VPS53: variants seen among roughly 807,000 people sequenced by gnomAD.
VPS53 encodes vacuolar protein sorting-associated protein 53 homolog.
In VPS53, 70 loss-of-function variants were observed where a neutral mutation model predicts 107.0. The observed-to-expected ratio is 0.65, with a 90% CI of 0.54 to 0.80. The LOEUF is 0.80. VPS53 is among the 30% of genes least tolerant of loss of function. VPS53 has a pLI of 0.00. For synonymous variants in VPS53, 409 were observed against 393.3 expected, an observed-to-expected ratio of 1.04 and a Z score of -0.47; for missense variants, 917 against 1,049.4, an observed-to-expected ratio of 0.87 and a Z score of 1.74.
intron 5 of VPS53, among the ~76,000 whole-genome samples, chr17:659,305 A>T (rs921223400): frequency 1.1e-4 from 17 of 151,842 alleles, no homozygotes; most frequent in Non-Finnish European, 2.2e-4. Context: ...ATTTTTTGAG[A>T]TAGAGTTTCG....
intron 7 of VPS53, among the ~76,000 whole-genome samples, chr17:646,090 C>T (rs12942156): frequency 7.2e-5 from 8 of 111,124 alleles, no homozygotes; most frequent in African/African-American, 1.6e-4. Flanking sequence ...CTAATTCATA[C>T]CACGGACTGG....
chr17:590,014 G>A (rs1967554771), intron 12 of VPS53, among the ~76,000 whole-genome samples: 1 of 152,120 alleles, frequency 6.6e-6, no homozygotes, highest in Admixed American at 6.6e-5. Context: ...CATGAGAATG[G>A]AATGTTCTCC....
At chr17:549,940 G>A (rs1429077753) in intron 17 of VPS53, among the ~76,000 whole-genome samples, 1 of 152,140 alleles carries the variant, frequency 6.6e-6, no homozygotes, top group Non-Finnish European at 1.5e-5. Context: ...CTACATTTTG[G>A]TTTTAATCTT....
intron 5 of VPS53, among the ~76,000 whole-genome samples, chr17:659,335 C>G (rs425528): frequency 0.99 from 150,938 of 152,344 alleles, 74,792 homozygotes; most frequent in East Asian, 1. Flanking sequence ...CCAGGCTGTA[C>G]TGCAGTAGTG....
chr17:587,107 G>A (rs763644082), intron 12 of VPS53, among the ~76,000 whole-genome samples: 1 of 151,944 alleles, frequency 6.6e-6, no homozygotes, highest in East Asian at 1.9e-4. Flanking sequence ...CTGTCACCCA[G>A]GCTAAAGTGC....
intron 2 of VPS53, among the ~76,000 whole-genome samples, chr17:700,317 C>T (rs1423489140): frequency 1.3e-5 from 2 of 151,458 alleles, no homozygotes; most frequent in African/African-American, 4.9e-5. Context: ...CCAAGGCAGG[C>T]GGATCACCTG....
intron 7 of VPS53, among the ~76,000 whole-genome samples, chr17:641,716 A>G (rs1970430119): frequency 6.6e-6 from 1 of 152,190 alleles, no homozygotes; most frequent in Admixed American, 6.5e-5. Context: ...CAGCCTCCCA[A>G]AGTGCTAGGA....
rs114943483 is a variant in VPS53 at position 699,936 on chromosome 17, G to A, written c.169-556C>T. On this transcript the variant is annotated intron_variant, in intron 2 of 21. Transcript: ENST00000437048. ...AGGACAGTGGTTATCTCTGGGGGAA[G>A]GTAGTGACAGTGAACAGGCAAGGAA... 2.2e-3 allele frequency among the ~76,000 whole-genome samples: 334 copies of A among 152,244 alleles called. 1 individual carries two copies. Among genetic ancestry groups the A allele is most frequent in the African/African-American group, 7.7e-3 (319 of 41,548 alleles).
At chr17:694,120 A>G (rs926976097) in intron 4 of VPS53, among the ~76,000 whole-genome samples, 6 of 152,246 alleles carry the variant, frequency 3.9e-5, no homozygotes, top group Non-Finnish European at 8.8e-5. Flanking sequence ...AAAGTGCTGG[A>G]AAAGACAGAT....
At position 509,751 on chromosome 17, in the gene VPS53, T is replaced by C. The variant is rs77544567; in HGVS notation, c.*9377A>G. The stretch of plus-strand genomic sequence containing the variant: ...GGCTCACCCCTCACTTGTCACGTAT[T>C]GAATCCTGGCTCACCCCCTTACTAG... On this transcript the variant is annotated 3_prime_UTR_variant, in exon 22 of 22. Coordinates refer to ENST00000437048, the MANE Select transcript of VPS53 (RefSeq NM_001128159.3). 0.086 allele frequency: 12,341 copies of C among 142,748 alleles called. 665 individuals carry two copies. Among genetic ancestry groups the C allele is most frequent in the East Asian group, 0.12 (450 of 3,874 alleles). 8.8% of individuals were successfully genotyped at this position (142,748 alleles called of 1,614,324 possible). A position where few individuals can be genotyped will look rare whatever the true frequency, so the allele number is the denominator to read the frequency against.
chr17:589,222 A>T (rs950772978), intron 12 of VPS53, among the ~76,000 whole-genome samples: 6 of 151,562 alleles, frequency 4.0e-5, no homozygotes, highest in South Asian at 2.1e-4. Context: ...CTTTTTTTTT[A>T]AATTTTGAAC....
intron 15 of VPS53, among the ~76,000 whole-genome samples, chr17:559,909 C>A (rs753624118): frequency 3.9e-5 from 6 of 152,232 alleles, no homozygotes; most frequent in Non-Finnish European, 8.8e-5. Context: ...AGAGGCATCA[C>A]CCTTTCCTGT....
chr17:709,978 C>G (rs1343432614), intron 2 of VPS53, among the ~76,000 whole-genome samples: 2 of 152,080 alleles, frequency 1.3e-5, no homozygotes, highest in Non-Finnish European at 2.9e-5. Flanking sequence ...AACCCCGTCT[C>G]TACTAAAATC....
chr17:669,267 C>A (rs887120649), intron 4 of VPS53, among the ~76,000 whole-genome samples: 4 of 152,176 alleles, frequency 2.6e-5, no homozygotes, highest in African/African-American at 9.7e-5. Flanking sequence ...AAGAATCACT[C>A]TGGCACTGTC....
In VPS53 at chr17:515,151, A is replaced by T. The variant is rs529254355; in HGVS notation, c.*3977T>A. The stretch of plus-strand genomic sequence containing the variant: ...TTTTTAAAGGGGCTACAGAAAATGG[A>T]CTGAGGGGAAGGAATGGGCACAATA... On this transcript the variant is annotated 3_prime_UTR_variant, in exon 22 of 22. Transcript: ENST00000437048. 2 of 152,318 alleles carry T rather than the reference A, an allele frequency of 1.3e-5. No individual in the cohort carries two copies. Among genetic ancestry groups the T allele is most frequent in the Non-Finnish European group, 2.9e-5 (2 of 68,036 alleles). 9.4% of individuals were successfully genotyped at this position (152,318 alleles called of 1,614,324 possible).
intron 2 of VPS53, among the ~76,000 whole-genome samples, chr17:702,440 G>A (rs930424220): frequency 2.0e-5 from 3 of 151,842 alleles, no homozygotes; most frequent in African/African-American, 7.3e-5. Flanking sequence ...GAGGTGGGCG[G>A]ATCACAAGGT....
At chr17:613,367 C>T (rs35492725) in intron 11 of VPS53, among the ~76,000 whole-genome samples, 3 of 145,278 alleles carry the variant, frequency 2.1e-5, no homozygotes, top group African/African-American at 2.5e-5. Flanking sequence ...TGAAAACCTG[C>T]ACAGATATTC....
chr17:702,652 G>A (rs541554061), intron 2 of VPS53, among the ~76,000 whole-genome samples: 53 of 152,020 alleles, frequency 3.5e-4, no homozygotes, highest in African/African-American at 1.2e-3. Context: ...GATAACAGAA[G>A]GAGACTCTGT....
chr17:623,620 C>G lies in VPS53; in HGVS notation c.1029G>C (p.Leu343Phe), dbSNP rs1387001025. The G allele has an allele frequency of 1.2e-6, 2 of 1,613,978 alleles. No individual in the cohort carries two copies. Among genetic ancestry groups the G allele is most frequent in the Admixed American group, 3.3e-5 (2 of 60,008 alleles). Reference protein sequence around the residue: ...RTRAKEIEVKLLLFAIQRTTN... With the variant: ...RTRAKEIEVKFLLFAIQRTTN... ...TTGTTCTTTGAATAGCAAAAAGAAGCAATTTCACTTCAATTTCCTTCGCTC... is the reference window on the plus strand; with the variant it reads ...TTGTTCTTTGAATAGCAAAAAGAAGGAATTTCACTTCAATTTCCTTCGCTC... Residue 343 changes from leucine (L) to phenylalanine (F), a missense_variant, in exon 11 of 22, where the codon TTG becomes TTC. Transcript: ENST00000437048.
Sources: gnomAD v4.1 joint callset for allele counts (sites outside exome capture counted in the v4.1 genomes callset) on GRCh38, gnomAD v4.1.1 for gene constraint, MANE v1.5 for transcripts, NCBI Gene and HGNC (gene_info 2026-07-23, HGNC 2026-07-21) for gene names.